The following TBC1D22A variants were observed in gnomAD, a reference collection of about 807,000 sequenced individuals.
The protein encoded by TBC1D22A is putative GTPase activator.
In TBC1D22A, 38 loss-of-function variants were observed where a neutral mutation model predicts 60.2. The ratio of observed to expected loss-of-function variants is 0.63; its 90% CI spans 0.49 to 0.83. TBC1D22A has a LOEUF of 0.83. Ranked by LOEUF, TBC1D22A falls within the 40% of genes least tolerant of loss-of-function variation. The pLI is 0.00. For synonymous variants in TBC1D22A, 302 were observed against 281.7 expected (o/e 1.07, Z -0.72); for missense variants, 628 against 701.0 (o/e 0.90, Z 1.18).
intron 11 of TBC1D22A, among the ~76,000 whole-genome samples, chr22:47,047,969 TC>T (rs2063083617): frequency 6.6e-6 from 1 of 152,170 alleles, no homozygotes; most frequent in African/African-American, 2.4e-5. Context: ...CCTCAGTCTT[TC>T]CCCAGACCAT....
chr22:46,777,255 A>G lies in TBC1D22A; in HGVS notation c.62+14407A>G, dbSNP rs1362846294. On this transcript the variant is annotated intron_variant, in intron 1 of 12. Coordinates refer to ENST00000337137, the MANE Select transcript of TBC1D22A (RefSeq NM_014346.5). This position sits in a 1 kb window ranked among gnomAD's most constrained non-coding sequence, Gnocchi z 4.5. The stretch of plus-strand genomic sequence containing the variant: ...GACAGAGGGTTTTCGATGCCAGGAC[A>G]TGGGCCAGTGAGAGCCAGGGGCCGC... Among the ~76,000 whole-genome samples the G allele has an allele frequency of 9.0e-6, 1 of 110,720 alleles. No homozygotes were observed. Among genetic ancestry groups the G allele is most frequent in the Non-Finnish European group, 2.1e-5 (1 of 47,282 alleles). The allele number at this position is 110,720 out of a possible 152,430, so 72.6% of individuals were successfully genotyped here. A position where few individuals can be genotyped will look rare whatever the true frequency, so the allele number is the denominator to read the frequency against.
chr22:46,913,814 A>G (rs779694014), intron 8 of TBC1D22A: 13 of 962,108 alleles, frequency 1.4e-5, no homozygotes, highest in Non-Finnish European at 1.6e-5. Flanking sequence ...CTTCTGTTGT[A>G]AGACCTAAGC....
At chr22:47,117,100 T>TGGATTTGTAACAGC (rs959027072) in intron 12 of TBC1D22A, 1 of 153,434 alleles carries the variant, frequency 6.5e-6, no homozygotes. Context: ...CCCGTAACAG[T>TGGATTTGTAACAGC]GGATTTGTAA....
chr22:46,821,091 A>T (rs1337681445), intron 4 of TBC1D22A, among the ~76,000 whole-genome samples: 12 of 115,334 alleles, frequency 1.0e-4, no homozygotes, highest in Admixed American at 1.9e-4. Context: ...TGCTTGGTAT[A>T]TTTTCCTGCA....
At chr22:46,806,177 A>G (rs1369474370) in intron 4 of TBC1D22A, among the ~76,000 whole-genome samples, 1 of 152,044 alleles carries the variant, frequency 6.6e-6, no homozygotes, top group South Asian at 2.1e-4. Context: ...CATTTACCCC[A>G]TGGCTCAGTG....
intron 8 of TBC1D22A, among the ~76,000 whole-genome samples, chr22:46,959,979 T>C (rs996480082): frequency 6.6e-6 from 1 of 152,198 alleles, no homozygotes; most frequent in Non-Finnish European, 1.5e-5. Context: ...TGAATTCTTC[T>C]GGCCCAAACC....
chr22:46,911,288 C>T (rs1357567200), intron 7 of TBC1D22A, among the ~76,000 whole-genome samples: 7 of 152,122 alleles, frequency 4.6e-5, no homozygotes, highest in African/African-American at 1.2e-4. Flanking sequence ...GCTGAGATTT[C>T]GTAAGTGATG....
chr22:47,142,561 TC>T (rs1422572493), intron 12 of TBC1D22A, among the ~76,000 whole-genome samples: 70 of 82,450 alleles, frequency 8.5e-4, no homozygotes, highest in Non-Finnish European at 1.1e-3. Context: ...CACCCACCCA[TC>T]TATCCACCTA....
chr22:46,788,202 C>T (rs4374472), intron 1 of TBC1D22A, among the ~76,000 whole-genome samples: 2 of 152,086 alleles, frequency 1.3e-5, no homozygotes, highest in East Asian at 1.9e-4. Context: ...TCCCAAAGTG[C>T]TGGGATTACA....
intron 4 of TBC1D22A, among the ~76,000 whole-genome samples, chr22:46,823,959 C>T (rs893409300): frequency 1.3e-5 from 2 of 152,178 alleles, no homozygotes; most frequent in Admixed American, 6.5e-5. Flanking sequence ...CCACCCAGGG[C>T]GACAGTGCCA....
At chr22:47,122,541 C>T (rs566093132) in intron 12 of TBC1D22A, among the ~76,000 whole-genome samples, 3 of 152,290 alleles carry the variant, frequency 2.0e-5, no homozygotes. Flanking sequence ...TGGTCTCAGC[C>T]CATGTATGGC....
chr22:46,976,833 G>T (rs1054796584), intron 9 of TBC1D22A, among the ~76,000 whole-genome samples: 3 of 152,164 alleles, frequency 2.0e-5, no homozygotes, highest in African/African-American at 4.8e-5. Context: ...TGTGGCAGCC[G>T]TCCACGCCGT....
intron 11 of TBC1D22A, among the ~76,000 whole-genome samples, chr22:47,079,792 T>G (rs958330561): frequency 6.6e-6 from 1 of 152,200 alleles, no homozygotes. Flanking sequence ...TATTAACAGT[T>G]ATGTTAGATA....
chr22:46,948,521 C>T (rs530613068), intron 8 of TBC1D22A, among the ~76,000 whole-genome samples: 23 of 152,330 alleles, frequency 1.5e-4, no homozygotes, highest in African/African-American at 4.8e-4. Context: ...CATCCCCCCA[C>T]GGTGGGTTTC....
At chr22:47,039,704 GAAAAAAAAAAAAA>G (rs34793078) in intron 11 of TBC1D22A, among the ~76,000 whole-genome samples, 1 of 81,458 alleles carries the variant, frequency 1.2e-5, no homozygotes, top group Non-Finnish European at 2.2e-5. Flanking sequence ...TGCATTTCAG[GAAAAAAAAAAAAA>G]AAAAAAAAAA....
At chr22:46,797,045 G>A (rs2084684307) in intron 3 of TBC1D22A, among the ~76,000 whole-genome samples, 1 of 152,256 alleles carries the variant, frequency 6.6e-6, no homozygotes, top group African/African-American at 2.4e-5. Context: ...GGTAACTCAC[G>A]GGCTTGCCCT....
In TBC1D22A at chr22:46,868,154, C is replaced by T. The variant is rs536358186; in HGVS notation, c.638-10499C>T. Among the ~76,000 whole-genome samples the T allele has an allele frequency of 2.6e-5, 4 of 152,252 alleles. No individual in the cohort carries two copies. The South Asian group carries it at 8.3e-4, about 32-fold the overall frequency. On this transcript the variant is annotated intron_variant, in intron 4 of 12. Transcript: ENST00000337137. The stretch of plus-strand genomic sequence containing the variant: ...TATTAATGGTAGGTCATATTTTTTA[C>T]TGTTAAGTACGTATGTGGGAATAAG...
chr22:47,080,265 C>G (rs1258576435), intron 11 of TBC1D22A, among the ~76,000 whole-genome samples: 1 of 152,120 alleles, frequency 6.6e-6, no homozygotes, highest in Non-Finnish European at 1.5e-5. Flanking sequence ...TATGAAGTAG[C>G]TTGCTTGATC....
intron 12 of TBC1D22A, among the ~76,000 whole-genome samples, chr22:47,163,462 G>A (rs918707172): frequency 6.6e-6 from 1 of 152,270 alleles, no homozygotes; most frequent in Non-Finnish European, 1.5e-5. Flanking sequence ...TGGAGCACAG[G>A]TGCATCTGAA....
Sources: allele counts gnomAD v4.1 joint callset (sites outside exome capture counted in the v4.1 genomes callset), GRCh38; gene constraint gnomAD v4.1.1; non-coding constraint Gnocchi (gnomAD v3.1); transcripts MANE v1.5; gene names NCBI Gene and HGNC (gene_info 2026-07-23, HGNC 2026-07-21).